BORCS5: variants seen among roughly 807,000 people sequenced by gnomAD.
BORCS5 encodes the protein BLOC-1-related complex subunit 5.
A neutral mutation model predicts 22.1 loss-of-function variants in BORCS5; 17 were observed. That is an observed-to-expected ratio of 0.77 (90% CI 0.53 to 1.15). The LOEUF is 1.15. BORCS5 is among the 50% of genes most tolerant of loss of function. The pLI is 0.00. For missense variants in BORCS5, 247 were observed against 253.2 expected (o/e 0.98, Z 0.17); for synonymous variants, 117 against 99.8 (o/e 1.17, Z -1.03).
In BORCS5 at chr12:12,425,401, CT is replaced by C. The variant is rs1442076385; in HGVS notation, c.203-10220del. 5.2e-5 allele frequency among the ~76,000 whole-genome samples: 4 copies of C among 76,476 alleles called. No homozygotes were observed. In the East Asian group the frequency reaches 1.3e-3, roughly 25 times the overall value. 50.2% of individuals were successfully genotyped at this position (76,476 alleles called of 152,430 possible). On this transcript the variant is annotated intron_variant, in intron 2 of 3. Transcript: ENST00000314565. The stretch of plus-strand genomic sequence containing the variant: ...CTTCCCCAAATTCCCTTTTTAGTTA[CT>C]TTTTTTAGGAACCCCCATACTGTTT...
chr12:12,378,567 A>G (rs7133837), intron 2 of BORCS5, among the ~76,000 whole-genome samples: 21,871 of 143,436 alleles, frequency 0.15, 5,136 homozygotes, highest in African/African-American at 0.49. Context: ...TAAGAGTCAA[A>G]GTCTTGAAAG....
In BORCS5 at chr12:12,430,151, A is replaced by ATTTTTTTTTTTTTTT. The variant is rs71061068; in HGVS notation, c.203-5474_203-5460dup. Among the ~76,000 whole-genome samples the ATTTTTTTTTTTTTTT allele has an allele frequency of 3.0e-4, 32 of 107,742 alleles. 1 individual carries two copies. The highest frequency in any genetic ancestry group is 3.7e-4 in the African/African-American group (9 of 24,592). The allele number at this position is 107,742 out of a possible 152,430, so 70.7% of individuals were successfully genotyped here. ...TACCACTTTAATCACCTTAGAGAAA[A>ATTTTTTTTTTTTTTT]TTTTTTTTTTTTTTTTTGAGACAGA... On this transcript the variant is annotated intron_variant, in intron 2 of 3. Coordinates refer to ENST00000314565, the MANE Select transcript of BORCS5 (RefSeq NM_058169.6).
chr12:12,438,917 A>T (rs905257250), intron 3 of BORCS5, among the ~76,000 whole-genome samples: 1 of 152,242 alleles, frequency 6.6e-6, no homozygotes, highest in South Asian at 2.1e-4. Flanking sequence ...ATTTGAGAGT[A>T]CCTATATACC....
At chr12:12,458,233 G>C (rs1353891193) in intron 3 of BORCS5, among the ~76,000 whole-genome samples, 1 of 152,008 alleles carries the variant, frequency 6.6e-6, no homozygotes, top group Admixed American at 6.6e-5. Context: ...CACCTCCTTG[G>C]CTCCTTTGTC....
chr12:12,451,617 C>T (rs1240545075), intron 3 of BORCS5, among the ~76,000 whole-genome samples: 1 of 152,208 alleles, frequency 6.6e-6, no homozygotes, highest in Non-Finnish European at 1.5e-5. Context: ...GGCGCAGTGG[C>T]TCACGCCTCT....
chr12:12,416,508 A>G (rs1046486738), intron 2 of BORCS5, among the ~76,000 whole-genome samples: 2 of 151,880 alleles, frequency 1.3e-5, no homozygotes, highest in Admixed American at 1.3e-4. Context: ...CAGTGGTGCA[A>G]TCATAGCTCA....
intron 2 of BORCS5, among the ~76,000 whole-genome samples, chr12:12,409,564 A>C (rs998407315): frequency 6.6e-6 from 1 of 151,450 alleles, no homozygotes; most frequent in African/African-American, 2.4e-5. Flanking sequence ...TGAACTCATC[A>C]TTTTTTATGG....
chr12:12,373,981 CTTTTTTTT>C (rs926893487), intron 2 of BORCS5, among the ~76,000 whole-genome samples: 23 of 89,798 alleles, frequency 2.6e-4, no homozygotes, highest in Admixed American at 3.8e-4. Flanking sequence ...AGAGAGTATT[CTTTTTTTT>C]TTTTTTTTTT....
At chr12:12,380,288 T>TAA (rs11395771) in intron 2 of BORCS5, among the ~76,000 whole-genome samples, 13,851 of 149,692 alleles carry the variant, frequency 0.093, 2,155 homozygotes, top group African/African-American at 0.31. Context: ...CTTCAATTTG[T>TAA]AAAAAAAAAC....
chr12:12,461,887 G>C (rs552723730), intron 3 of BORCS5, among the ~76,000 whole-genome samples: 1 of 152,120 alleles, frequency 6.6e-6, no homozygotes, highest in East Asian at 1.9e-4. Flanking sequence ...ATAAAGAGTT[G>C]TTCACTTTCT....
At chr12:12,414,103 G>A (rs1437373358) in intron 2 of BORCS5, among the ~76,000 whole-genome samples, 2 of 86,222 alleles carry the variant, frequency 2.3e-5, no homozygotes, top group Non-Finnish European at 4.9e-5. Context: ...CTGGCCGGGC[G>A]GGGGGCTGAC....
At chr12:12,464,284 G>A (rs758465367) in intron 3 of BORCS5, among the ~76,000 whole-genome samples, 13 of 151,376 alleles carry the variant, frequency 8.6e-5, no homozygotes, top group Admixed American at 2.0e-4. Context: ...CAAGAGGCCC[G>A]CCAGAGGACA....
chr12:12,361,416 T>C, intron 2 of BORCS5, 67 bp downstream of exon 2: 1 of 1,554,252 alleles, frequency 6.4e-7, no homozygotes, highest in Non-Finnish European at 8.9e-7. Flanking sequence ...CTACTTTCCC[T>C]CTACTTATCC....
chr12:12,429,835 C>T (rs1377693908), intron 2 of BORCS5, among the ~76,000 whole-genome samples: 2 of 152,178 alleles, frequency 1.3e-5, no homozygotes, highest in African/African-American at 4.8e-5. Flanking sequence ...GCGATTCAGG[C>T]TCCCAATAGT....
intron 3 of BORCS5, among the ~76,000 whole-genome samples, chr12:12,461,145 A>G (rs1241149673): frequency 2.6e-5 from 4 of 151,630 alleles, no homozygotes; most frequent in African/African-American, 9.7e-5. Flanking sequence ...CTTGAAGACA[A>G]AGGCTTTATT....
chr12:12,445,554 T>A (rs34860177), intron 3 of BORCS5, among the ~76,000 whole-genome samples: 2 of 119,468 alleles, frequency 1.7e-5, no homozygotes, highest in East Asian at 2.2e-4. Context: ...TTTTTTTTTT[T>A]AAACTGATGG....
chr12:12,410,299 C>T (rs1941698042), intron 2 of BORCS5, among the ~76,000 whole-genome samples: 1 of 152,180 alleles, frequency 6.6e-6, no homozygotes, highest in Non-Finnish European at 1.5e-5. Context: ...GAAGTCCTTG[C>T]CCATGCCTAT....
chr12:12,442,157 T>C (rs1439698292), intron 3 of BORCS5, among the ~76,000 whole-genome samples: 2 of 151,136 alleles, frequency 1.3e-5, no homozygotes, highest in South Asian at 2.1e-4. Flanking sequence ...GCACAGACTT[T>C]TGGAGCTTCT....
At chr12:12,368,559 C>T (rs1007764891) in intron 2 of BORCS5, among the ~76,000 whole-genome samples, 1 of 151,832 alleles carries the variant, frequency 6.6e-6, no homozygotes, top group Admixed American at 6.6e-5. Flanking sequence ...ATCTTCCAAC[C>T]TCAGCCTCCC....
Sources: allele counts gnomAD v4.1 joint callset (sites outside exome capture counted in the v4.1 genomes callset), GRCh38; gene constraint gnomAD v4.1.1; transcripts MANE v1.5; gene names NCBI Gene and HGNC (gene_info 2026-07-23, HGNC 2026-07-21).